The following GSTCD variants were observed in gnomAD, a reference collection of about 807,000 sequenced individuals.
The protein encoded by GSTCD is glutathione S-transferase C-terminal domain-containing protein.
GSTCD carries 44 observed loss-of-function variants against 68.3 expected under a neutral mutation model. The ratio of observed to expected loss-of-function variants is 0.64; its 90% CI spans 0.51 to 0.83. The LOEUF is 0.83. Among genes scored for constraint, GSTCD ranks in the 40% least tolerant of loss-of-function variants. The pLI is 0.00. For missense variants in GSTCD, 739 were observed against 735.9 expected (o/e 1.00, Z -0.05); for synonymous variants, 273 against 255.2 (o/e 1.07, Z -0.67).
rs544978274 is a variant in GSTCD, at chr4:105,794,627, T to G, written c.1241-28327T>G. On this transcript the variant is annotated intron_variant, in intron 5 of 11. Transcript: ENST00000515279. The stretch of plus-strand genomic sequence containing the variant: ...CTCACATGTTTTAATATTTTTGGTG[T>G]TTTTTTTTTCTGAACTGCCCAAGGG... 2.8e-4 allele frequency among the ~76,000 whole-genome samples: 42 copies of G among 148,152 alleles called. No homozygotes were observed. In the South Asian group the frequency reaches 3.2e-3, roughly 11 times the overall value.
chr4:105,745,192 A>G (rs1733759420), intron 5 of GSTCD, among the ~76,000 whole-genome samples: 1 of 152,170 alleles, frequency 6.6e-6, no homozygotes, highest in African/African-American at 2.4e-5. Flanking sequence ...CAGAATTACT[A>G]TACCCACATT....
rs542986757 is a variant in GSTCD at position 105,725,277 on chromosome 4, G to A, written c.895-1302G>A. On this transcript the variant is annotated intron_variant, in intron 3 of 11. Transcript: ENST00000515279. ...GCATCTTGGTTAATTCCAAGTTTTG[G>A]CAATTATGAATAAAGATGCTATTAA... is the stretch of plus-strand genomic sequence containing the variant. 5.3e-5 allele frequency among the ~76,000 whole-genome samples: 8 copies of A among 152,066 alleles called. No homozygotes were observed. In the South Asian group the frequency reaches 1.7e-3, roughly 32 times the overall value.
intron 5 of GSTCD, among the ~76,000 whole-genome samples, chr4:105,802,705 C>T (rs1392432428): frequency 6.6e-6 from 1 of 152,026 alleles, no homozygotes; most frequent in Non-Finnish European, 1.5e-5. Flanking sequence ...TTCTCTCTGT[C>T]CTCTTCTTTG....
chr4:105,817,111 A>G (rs1290779048), intron 5 of GSTCD, among the ~76,000 whole-genome samples: 1 of 151,972 alleles, frequency 6.6e-6, no homozygotes, highest in Non-Finnish European at 1.5e-5. Flanking sequence ...TGATTAATAA[A>G]ATACATTTTC....
chr4:105,840,248 C>A (rs185755063), intron 10 of GSTCD: 1 of 452,972 alleles, frequency 2.2e-6, no homozygotes, highest in African/African-American at 2.0e-5. Context: ...AATTTACAAA[C>A]ACCATGAGGA....
At chr4:105,767,664 T>C (rs1008748788) in intron 5 of GSTCD, among the ~76,000 whole-genome samples, 10 of 152,224 alleles carry the variant, frequency 6.6e-5, no homozygotes, top group African/African-American at 2.4e-4. Flanking sequence ...TAACATGGAC[T>C]CTCATATTGA....
Position 105,718,023 on chromosome 4 carries a change from T to A in GSTCD, c.410T>A (p.Leu137Ter), listed in dbSNP as rs780076734. ...CTTCTGGGCTTTAAAAAGACTTGCT[T>A]GAAAGCCTGTGCTGAAGTAAGTATA... is the stretch of plus-strand genomic sequence containing the variant. ...LELLGFKKTC[L>*]KACAEVSQWT... The change falls in exon 2 of 12, where the codon TTG (leucine) becomes TAG (stop). Residue 137 changes from leucine (L) to a stop codon, truncating the protein, a stop_gained. Coordinates refer to ENST00000515279, the MANE Select transcript of GSTCD (RefSeq NM_001370181.1). LOFTEE classifies it high-confidence loss of function. 6.2e-7 allele frequency: 1 copy of A among 1,606,202 alleles called. No homozygotes were observed. The highest frequency in any genetic ancestry group is 2.2e-5 in the East Asian group (1 of 44,838).
intron 5 of GSTCD, among the ~76,000 whole-genome samples, chr4:105,756,259 A>G (rs548268246): frequency 4.6e-5 from 7 of 152,222 alleles, no homozygotes; most frequent in Non-Finnish European, 8.8e-5. Context: ...GTTTAACCAC[A>G]TAAACATGAT....
intron 5 of GSTCD, among the ~76,000 whole-genome samples, chr4:105,795,852 T>C (rs1252965067): frequency 6.6e-6 from 1 of 152,100 alleles, no homozygotes; most frequent in African/African-American, 2.4e-5. Context: ...CTTTTCAGAG[T>C]CTTTTTTTCT....
chr4:105,796,452 A>G (rs1312560079), intron 5 of GSTCD, among the ~76,000 whole-genome samples: 2 of 152,176 alleles, frequency 1.3e-5, no homozygotes, highest in Admixed American at 6.5e-5. Flanking sequence ...ATTTTTTGTC[A>G]TATCATTTTT....
chr4:105,765,705 G>A (rs920839747), intron 5 of GSTCD, among the ~76,000 whole-genome samples: 1 of 152,170 alleles, frequency 6.6e-6, no homozygotes, highest in Non-Finnish European at 1.5e-5. Context: ...ATCCCCACAT[G>A]TTGCGGGAGG....
intron 5 of GSTCD, among the ~76,000 whole-genome samples, chr4:105,737,958 C>A (rs776722658): frequency 6.6e-6 from 1 of 152,094 alleles, no homozygotes; most frequent in Non-Finnish European, 1.5e-5. Context: ...CCCATGAGAA[C>A]CAGTTGTTGA....
intron 5 of GSTCD, among the ~76,000 whole-genome samples, chr4:105,734,841 C>T (rs982836218): frequency 1.3e-5 from 2 of 152,096 alleles, no homozygotes; most frequent in Non-Finnish European, 2.9e-5. Context: ...ATGATGGTGA[C>T]GTACAGATGG....
chr4:105,792,875 A>G (rs1186383976), intron 5 of GSTCD, among the ~76,000 whole-genome samples: 1 of 152,092 alleles, frequency 6.6e-6, no homozygotes, highest in African/African-American at 2.4e-5. Context: ...AGCTTAGTCT[A>G]GCAATTGCTT....
At chr4:105,783,110 A>T (rs933774511) in intron 5 of GSTCD, among the ~76,000 whole-genome samples, 1 of 152,186 alleles carries the variant, frequency 6.6e-6, no homozygotes, top group African/African-American at 2.4e-5. Context: ...TCCTAGAGGC[A>T]TAAATTTGGG....
At chr4:105,720,336 T>C (rs1732821976) in intron 3 of GSTCD, among the ~76,000 whole-genome samples, 1 of 152,168 alleles carries the variant, frequency 6.6e-6, no homozygotes, top group Admixed American at 6.5e-5. Context: ...TTTGCTTTTG[T>C]TTGGGTTTTT....
At chr4:105,728,229 C>T (rs1474643684) in intron 4 of GSTCD, among the ~76,000 whole-genome samples, 1 of 151,940 alleles carries the variant, frequency 6.6e-6, no homozygotes, top group Non-Finnish European at 1.5e-5. Context: ...AATGATTGAA[C>T]AATTGTGAAT....
chr4:105,752,103 T>G (rs1280969163), intron 5 of GSTCD, among the ~76,000 whole-genome samples: 6 of 152,278 alleles, frequency 3.9e-5, no homozygotes, highest in African/African-American at 1.4e-4. Context: ...GCTCACAGCT[T>G]TAGTGCCTCA....
intron 5 of GSTCD, chr4:105,761,985 C>T (rs879684508): frequency 1.3e-4 from 20 of 152,168 alleles, no homozygotes; most frequent in South Asian, 2.1e-4. Flanking sequence ...TCAACTCTCC[C>T]GAAGGGAGAA....
Sources: allele counts gnomAD v4.1 joint callset (sites outside exome capture counted in the v4.1 genomes callset), GRCh38; gene constraint gnomAD v4.1.1; transcripts MANE v1.5; gene names NCBI Gene and HGNC (gene_info 2026-07-23, HGNC 2026-07-21).